Variants in ZNF696 observed in about 807,000 individuals in gnomAD.
ZNF696 encodes zinc finger protein 696.
In ZNF696, 10 loss-of-function variants were observed where a neutral mutation model predicts 12.3. That is an observed-to-expected ratio of 0.81 (90% CI 0.50 to 1.38). ZNF696 has a LOEUF of 1.38. Ranked by LOEUF, ZNF696 falls within the 40% of genes most tolerant of loss-of-function variation. The pLI is 0.00. For synonymous variants in ZNF696, 304 were observed against 243.9 expected, an observed-to-expected ratio of 1.25 and a Z score of -2.29; for missense variants, 675 against 554.7, an observed-to-expected ratio of 1.22 and a Z score of -2.18.
At position 143,296,676 on chromosome 8, in the gene ZNF696, C is replaced by G; in HGVS notation, c.1001C>G (p.Ser334Trp). ...TGCGGGCGCGCGTTCCGGGCGCTGT[C>G]GGGCTTCTTCCGGCACCAGCGACTC... ...GHCGRAFRAL[S>W]GFFRHQRLHT... The change falls in exon 3 of 3, where the codon TCG becomes TGG. Residue 334 changes from serine (S) to tryptophan (W), a missense_variant. By Grantham distance (177) the Ser-to-Trp change is radical. Coordinates refer to ENST00000330143, the MANE Select transcript of ZNF696 (RefSeq NM_030895.3). The G allele has an allele frequency of 6.4e-7, 1 of 1,569,580 alleles. No individual in the cohort carries two copies. The highest frequency in any genetic ancestry group is 8.6e-7 in the Non-Finnish European group (1 of 1,165,370).
rs1815720263 is a variant in ZNF696 at position 143,296,561 on chromosome 8, C to CA, written c.887dup (p.Asp297GlyfsTer203). Reference sequence around the variant, plus strand: ...CACGGGGGAGCGGCCCTTCGCCTGCCAGGACTGCGGCCGCGCCTTCAGCCG... The same window carrying CA: ...CACGGGGGAGCGGCCCTTCGCCTGCCAAGGACTGCGGCCGCGCCTTCAGCCG... On this transcript the variant is annotated frameshift_variant, in exon 3 of 3. Transcript: ENST00000330143. LOFTEE classifies it high-confidence loss of function. 6.3e-7 allele frequency: 1 copy of CA among 1,597,620 alleles called. No individual in the cohort carries two copies. Among genetic ancestry groups the CA allele is most frequent in the Non-Finnish European group, 8.5e-7 (1 of 1,176,574 alleles).
At chr8:143,293,133 ACAC>A in intron 2 of ZNF696, 68 bp downstream of exon 2, 1 of 1,357,756 alleles carries the variant, frequency 7.4e-7, no homozygotes, top group Non-Finnish European at 1.0e-6. Flanking sequence ...TACAGGAAAA[ACAC>A]CATGTCTCAG....
Position 143,296,214 on chromosome 8 carries a change from C to CGTT in ZNF696, c.539_540insGTT (p.Pro180_Tyr181insPhe). 1 of 1,594,500 alleles carries CGTT rather than the reference C, an allele frequency of 6.3e-7. No individual in the cohort carries two copies. Among genetic ancestry groups the CGTT allele is most frequent in the African/African-American group, 1.3e-5 (1 of 74,598 alleles). On this transcript the variant is annotated inframe_insertion, in exon 3 of 3. Coordinates refer to ENST00000330143, the MANE Select transcript of ZNF696 (RefSeq NM_030895.3). ...CAGCGGGCGCACAGCGGGGAGAGGC[C>CGTT]CTACGCGTGCGCCGAGTGCGGCAAG...
At position 143,298,395 on chromosome 8, in the gene ZNF696, C is replaced by T. The variant is rs1216084474; in HGVS notation, c.*1595C>T. ...TTAATTAAGCTCCTGACCCCTGGGC[C>T]GGTGGTGAGGTGGGAAGATGAGCCT... is the stretch of plus-strand genomic sequence containing the variant. On this transcript the variant is annotated 3_prime_UTR_variant, in exon 3 of 3. Coordinates refer to ENST00000330143, the MANE Select transcript of ZNF696 (RefSeq NM_030895.3). Among the ~76,000 whole-genome samples, 3 of 152,034 alleles carry T rather than the reference C, an allele frequency of 2.0e-5. No individual in the cohort carries two copies. Among genetic ancestry groups the T allele is most frequent in the South Asian group, 2.1e-4 (1 of 4,828 alleles).
chr8:143,296,712 A>T lies in ZNF696; in HGVS notation c.1037A>T (p.Glu346Val). 1 of 1,555,920 alleles carries T rather than the reference A, an allele frequency of 6.4e-7. No homozygotes were observed. Among genetic ancestry groups the T allele is most frequent in the South Asian group, 1.2e-5 (1 of 85,424 alleles). ...CGGCACCAGCGACTCCACACGGGCG[A>T]GAAGCCGTTCCGCTGCACCGAGTGC... is the stretch of plus-strand genomic sequence containing the variant. ...FFRHQRLHTG[E>V]KPFRCTECGR... Residue 346 changes from glutamate (E) to valine (V), a missense_variant, in exon 3 of 3, where the codon GAG (glutamate) becomes GTG (valine). Physicochemically the swap from Glu to Val is moderately radical, Grantham distance 121. Transcript: ENST00000330143.
rs892379801 is a variant in ZNF696 at position 143,299,584 on chromosome 8, G to A, written c.*2784G>A. 1.3e-5 allele frequency among the ~76,000 whole-genome samples: 2 copies of A among 152,032 alleles called. No individual in the cohort carries two copies. Among genetic ancestry groups the A allele is most frequent in the African/African-American group, 2.4e-5 (1 of 41,384 alleles). ...GGCAGCAGTGAGCTACGATTGTGCC[G>A]CTGCACTCCAGACTGGACAACACAG... On this transcript the variant is annotated 3_prime_UTR_variant, in exon 3 of 3. Coordinates refer to ENST00000330143, the MANE Select transcript of ZNF696 (RefSeq NM_030895.3).
In ZNF696 at chr8:143,299,381, T is replaced by G. The variant is rs1815767202; in HGVS notation, c.*2581T>G. On this transcript the variant is annotated 3_prime_UTR_variant, in exon 3 of 3. Coordinates refer to ENST00000330143, the MANE Select transcript of ZNF696 (RefSeq NM_030895.3). ...GGTGTAAGATAGTGTTTAATTTGAC[T>G]TTGATAAGTTAAATGTGCATAGTGT... Among the ~76,000 whole-genome samples the G allele has an allele frequency of 1.3e-5, 2 of 152,212 alleles. No homozygotes were observed. Among genetic ancestry groups the G allele is most frequent in the African/African-American group, 4.8e-5 (2 of 41,436 alleles).
chr8:143,294,955 G>A (rs1815683165), intron 2 of ZNF696, among the ~76,000 whole-genome samples: 1 of 152,142 alleles, frequency 6.6e-6, no homozygotes, highest in East Asian at 1.9e-4. Flanking sequence ...CTGGTGTGGT[G>A]GTGCTCACCT....
At chr8:143,291,808 G>T in intron 1 of ZNF696, 41 bp downstream of exon 1, 1 of 985,196 alleles carries the variant, frequency 1.0e-6, no homozygotes, top group Non-Finnish European at 1.2e-6. Flanking sequence ...CTAAAAAATT[G>T]CACTTTAAAT....
Position 143,297,892 on chromosome 8 carries a change from TC to T in ZNF696, c.*1093del, listed in dbSNP as rs1815747817. ...TACACACATGTGATTTCAGAAGCGT[TC>T]TGTGGGTAGAGGAATCGTTTTCTCT... On this transcript the variant is annotated 3_prime_UTR_variant, in exon 3 of 3. Coordinates refer to ENST00000330143, the MANE Select transcript of ZNF696 (RefSeq NM_030895.3). 6.6e-6 allele frequency: 1 copy of T among 152,118 alleles called. No individual in the cohort carries two copies. The highest frequency in any genetic ancestry group is 1.5e-5 in the Non-Finnish European group (1 of 68,022). The allele number at this position is 152,118 out of a possible 1,614,324, so 9.4% of individuals were successfully genotyped here.
Position 143,296,750 on chromosome 8 carries a change from C to T in ZNF696, c.1075C>T (p.Arg359Cys). Residue 359 changes from arginine to cysteine, a missense_variant, in exon 3 of 3, where the codon CGC becomes TGC. By Grantham distance (180) the Arg-to-Cys change is radical. Transcript: ENST00000330143. ...CTGCACCGAGTGCGGCCGCGCCTTCCGCCTGAGCTTCCACCTCATCCAGCA... is the reference window on the plus strand; with the variant it reads ...CTGCACCGAGTGCGGCCGCGCCTTCTGCCTGAGCTTCCACCTCATCCAGCA... ...FRCTECGRAF[R>C]LSFHLIQHRR... 1.4e-6 allele frequency: 2 copies of T among 1,480,752 alleles called. No homozygotes were observed. The highest frequency in any genetic ancestry group is 1.5e-5 in the African/African-American group (1 of 68,946). 91.7% of individuals were successfully genotyped at this position (1,480,752 alleles called of 1,614,324 possible). A position where few individuals can be genotyped will look rare whatever the true frequency, so the allele number is the denominator to read the frequency against.
intron 2 of ZNF696, among the ~76,000 whole-genome samples, chr8:143,294,813 G>A (rs564346575): frequency 6.6e-6 from 1 of 152,066 alleles, no homozygotes; most frequent in South Asian, 2.1e-4. Flanking sequence ...GCCATGGCTG[G>A]GTGTGGTGGC....
At chr8:143,294,376 ATTTCT>A (rs930281678) in intron 2 of ZNF696, among the ~76,000 whole-genome samples, 34 of 144,552 alleles carry the variant, frequency 2.4e-4, no homozygotes, top group Middle Eastern at 6.9e-3. Context: ...CTTGTTCCGG[ATTTCT>A]TTTCTTTTCT....
At chr8:143,293,518 C>G (rs564518191) in intron 2 of ZNF696, among the ~76,000 whole-genome samples, 2 of 152,338 alleles carry the variant, frequency 1.3e-5, no homozygotes, top group African/African-American at 4.8e-5. Flanking sequence ...AAATCGCCCC[C>G]ATGAGAACAC....
Position 143,297,071 on chromosome 8 carries a change from C to T in ZNF696, c.*271C>T, listed in dbSNP as rs574614612. On this transcript the variant is annotated 3_prime_UTR_variant, in exon 3 of 3. Transcript: ENST00000330143. ...TCTGTCCCGGGCCGGCCGCCCGCCT[C>T]TGAGACTCCCCGCCTCCCACGGTCA... 14 of 364,686 alleles carry T rather than the reference C, an allele frequency of 3.8e-5. No homozygotes were observed. Among genetic ancestry groups the T allele is most frequent in the Non-Finnish European group, 6.3e-5 (13 of 205,078 alleles). 22.6% of individuals were successfully genotyped at this position (364,686 alleles called of 1,614,324 possible). A position where few individuals can be genotyped will look rare whatever the true frequency, so the allele number is the denominator to read the frequency against.
chr8:143,291,841 G>A, intron 1 of ZNF696, 74 bp downstream of exon 1: 1 of 967,454 alleles, frequency 1.0e-6, no homozygotes, highest in Non-Finnish European at 1.2e-6. Context: ...AAAGCGGCGG[G>A]GTCTCGCTAT....
rs1421741569 is a variant in ZNF696, at chr8:143,296,579, T to C, written c.904T>C (p.Phe302Leu). Residue 302 changes from phenylalanine (F) to leucine (L), a missense_variant, in exon 3 of 3, where the codon TTC (phenylalanine) becomes CTC (leucine). Coordinates refer to ENST00000330143, the MANE Select transcript of ZNF696 (RefSeq NM_030895.3). ...CGCCTGCCAGGACTGCGGCCGCGCC[T>C]TCAGCCGCAGCTCCTTCCTCCGCGA... ...PFACQDCGRA[F>L]SRSSFLREHR... 19 of 1,593,524 alleles carry C rather than the reference T, an allele frequency of 1.2e-5. No individual in the cohort carries two copies. Among genetic ancestry groups the C allele is most frequent in the Non-Finnish European group, 1.5e-5 (18 of 1,174,858 alleles).
In ZNF696 at chr8:143,296,511, A is replaced by C; in HGVS notation, c.836A>C (p.Asn279Thr). The change falls in exon 3 of 3, where the codon AAC becomes ACC. Residue 279 changes from asparagine to threonine, a missense_variant. Physicochemically the swap from Asn to Thr is moderately conservative, Grantham distance 65 (BLOSUM62 0). Transcript: ENST00000330143. The stretch of plus-strand genomic sequence containing the variant: ...GGCCAGGCCTTCAGCCAGAGCTCCA[A>C]CCTCCTCCAGCACCAGCGCGTGCAC... ...ECGQAFSQSS[N>T]LLQHQRVHTG... 1 of 1,607,472 alleles carries C rather than the reference A, an allele frequency of 6.2e-7. No individual in the cohort carries two copies. Among genetic ancestry groups the C allele is most frequent in the Non-Finnish European group, 8.5e-7 (1 of 1,179,130 alleles).
Position 143,299,293 on chromosome 8 carries a change from A to G in ZNF696, c.*2493A>G, listed in dbSNP as rs1815765788. ...AATAGTGTCAACTAAAATACTAGAC[A>G]ACAATAGCATGTAAATTAGAAGGGA... On this transcript the variant is annotated 3_prime_UTR_variant, in exon 3 of 3. Transcript: ENST00000330143. Among the ~76,000 whole-genome samples, 1 of 152,244 alleles carries G rather than the reference A, an allele frequency of 6.6e-6. No homozygotes were observed. Among genetic ancestry groups the G allele is most frequent in the Admixed American group, 6.5e-5 (1 of 15,282 alleles).
Sources: gnomAD v4.1 joint callset for allele counts (sites outside exome capture counted in the v4.1 genomes callset) on GRCh38, gnomAD v4.1.1 for gene constraint, MANE v1.5 for transcripts, NCBI Gene and HGNC (gene_info 2026-07-23, HGNC 2026-07-21) for gene names.